PTPN13: variants seen among roughly 807,000 people sequenced by gnomAD.
PTPN13 encodes tyrosine-protein phosphatase non-receptor type 13.
PTPN13 carries 191 observed loss-of-function variants against 284.0 expected under a neutral mutation model. That is an observed-to-expected ratio of 0.67 (90% CI 0.60 to 0.76). The LOEUF is 0.76. Among genes scored for constraint, PTPN13 ranks in the 30% least tolerant of loss-of-function variants. The pLI is 0.00. For synonymous variants in PTPN13, 986 were observed against 1,022.3 expected (o/e 0.96, Z 0.68); for missense variants, 2,797 against 2,939.9 (o/e 0.95, Z 1.12).
chr4:86,775,760 C>T, intron 35 of PTPN13, 108 bp downstream of exon 35: 1 of 916,930 alleles, frequency 1.1e-6, no homozygotes, highest in South Asian at 1.7e-5. Context: ...AATTCATAGA[C>T]TAAATTGGCA....
rs572617339 is a variant in PTPN13 at position 86,649,447 on chromosome 4, G to A, written c.115+14076G>A. On this transcript the variant is annotated intron_variant, in intron 2 of 47. Transcript: ENST00000411767. ...GTCTATCTTCATTCTTCGACATATGGATATTAAGTTTTCCCAGCATCATTT... is the reference window on the plus strand; with the variant it reads ...GTCTATCTTCATTCTTCGACATATGAATATTAAGTTTTCCCAGCATCATTT... Among the ~76,000 whole-genome samples, 3 of 152,174 alleles carry A rather than the reference G, an allele frequency of 2.0e-5. No homozygotes were observed. In the South Asian group the frequency reaches 6.2e-4, roughly 32 times the overall value.
At chr4:86,624,855 T>G (rs1258606824) in intron 1 of PTPN13, among the ~76,000 whole-genome samples, 1 of 152,138 alleles carries the variant, frequency 6.6e-6, no homozygotes. Flanking sequence ...TATCCAAAAA[T>G]GCAATGGTTC....
intron 21 of PTPN13, 149 bp downstream of exon 21, chr4:86,758,498 C>G: frequency 1.1e-6 from 1 of 897,048 alleles, no homozygotes; most frequent in Non-Finnish European, 1.7e-6. Flanking sequence ...AACCTACCCG[C>G]CCAGTCACCA....
chr4:86,626,819 T>C (rs1721891767), intron 1 of PTPN13, among the ~76,000 whole-genome samples: 1 of 152,002 alleles, frequency 6.6e-6, no homozygotes, highest in African/African-American at 2.4e-5. Flanking sequence ...GCACAGAGGG[T>C]CAGTTCCCCC....
intron 36 of PTPN13, 82 bp downstream of exon 36, chr4:86,780,554 C>G: frequency 3.3e-6 from 3 of 921,508 alleles, no homozygotes; most frequent in Non-Finnish European, 5.2e-6. Flanking sequence ...AACAGGTTGA[C>G]AATTTCTTAA....
At chr4:86,754,559 C>A in intron 20 of PTPN13, among the ~76,000 whole-genome samples, 1 of 151,918 alleles carries the variant, frequency 6.6e-6, no homozygotes. Context: ...ACAAAGTTAG[C>A]AGGTGGTAGA....
chr4:86,616,877 G>A (rs1310964013), intron 1 of PTPN13, among the ~76,000 whole-genome samples: 1 of 152,180 alleles, frequency 6.6e-6, no homozygotes, highest in African/African-American at 2.4e-5. Flanking sequence ...TAATACAGGA[G>A]TGTTCTAGAC....
At chr4:86,745,915 A>G (rs561521801) in intron 17 of PTPN13, among the ~76,000 whole-genome samples, 1 of 152,298 alleles carries the variant, frequency 6.6e-6, no homozygotes, top group East Asian at 1.9e-4. Flanking sequence ...AAATAATGCA[A>G]GTAGTTTGGA....
At chr4:86,615,229 ACTTT>A (rs1441443245) in intron 1 of PTPN13, among the ~76,000 whole-genome samples, 3 of 152,138 alleles carry the variant, frequency 2.0e-5, no homozygotes, top group African/African-American at 7.2e-5. Context: ...TTTAAGAATG[ACTTT>A]CTAATAATGC....
chr4:86,779,014 C>A (rs1740977558), intron 35 of PTPN13, among the ~76,000 whole-genome samples: 1 of 149,576 alleles, frequency 6.7e-6, no homozygotes. Flanking sequence ...CTTCCGCTAG[C>A]CAAGAACCTA....
At chr4:86,683,538 G>T (rs1388579914) in intron 3 of PTPN13, among the ~76,000 whole-genome samples, 1 of 152,148 alleles carries the variant, frequency 6.6e-6, no homozygotes, top group Non-Finnish European at 1.5e-5. Context: ...AGGGCAGTCT[G>T]CTTTACTCAG....
Position 86,763,091 on chromosome 4 carries a change from G to A in PTPN13, c.3918G>A (p.Lys1306=). Residue 1306 remains lysine, a synonymous_variant, in exon 24 of 48, where the codon AAG becomes AAA. Transcript: ENST00000411767. ...FTDSNQSKTK[K]PGISDVTDYS... ...ATAGTAACCAAAGCAAAACTAAAAA[G>A]CCAGGCATTTCTGATGTAACTGATT... 1 of 1,612,502 alleles carries A rather than the reference G, an allele frequency of 6.2e-7. No homozygotes were observed.
chr4:86,668,389 A>T (rs1727329884), intron 2 of PTPN13, among the ~76,000 whole-genome samples: 1 of 152,178 alleles, frequency 6.6e-6, no homozygotes, highest in Non-Finnish European at 1.5e-5. Context: ...CCTCACTTGC[A>T]GGTTTGCATA....
At chr4:86,765,350 A>G (rs1184359511) in intron 25 of PTPN13, 45 bp from the exon 26 acceptor site, 1 of 1,504,622 alleles carries the variant, frequency 6.6e-7, no homozygotes, top group Admixed American at 2.0e-5. Context: ...AGAGAGTGCA[A>G]AATTTTTCAT....
chr4:86,632,787 C>T (rs1722604295), intron 1 of PTPN13, among the ~76,000 whole-genome samples: 1 of 151,864 alleles, frequency 6.6e-6, no homozygotes, highest in African/African-American at 2.4e-5. Context: ...ACTTCACATA[C>T]AATAAAACTT....
chr4:86,686,208 A>G (rs1479966129), intron 3 of PTPN13, among the ~76,000 whole-genome samples: 1 of 152,214 alleles, frequency 6.6e-6, no homozygotes, highest in Non-Finnish European at 1.5e-5. Flanking sequence ...CTTAAAATAG[A>G]AAAATTAGTC....
intron 2 of PTPN13, among the ~76,000 whole-genome samples, chr4:86,669,499 A>G (rs1327718886): frequency 6.6e-6 from 1 of 152,124 alleles, no homozygotes; most frequent in Admixed American, 6.5e-5. Context: ...ATAAAAAAGG[A>G]GAGATACATA....
chr4:86,745,019 G>C lies in PTPN13; in HGVS notation c.2541G>C (p.Gln847His). Reference protein sequence around the residue: ...NTSDGIKHGFQTDNSKICQYL... With the variant: ...NTSDGIKHGFHTDNSKICQYL... ...CAGATGGAATAAAACATGGCTTCCA[G>C]ACAGACAACAGTAAGATATGCCAGT... is the stretch of plus-strand genomic sequence containing the variant. Residue 847 changes from glutamine to histidine, a missense_variant, in exon 17 of 48, where the codon CAG (glutamine) becomes CAC (histidine). Gln to His is a conservative substitution (Grantham distance 24). Transcript: ENST00000411767. 1.2e-6 allele frequency: 2 copies of C among 1,603,750 alleles called. No individual in the cohort carries two copies. The highest frequency in any genetic ancestry group is 1.7e-6 in the Non-Finnish European group (2 of 1,174,632).
intron 23 of PTPN13, among the ~76,000 whole-genome samples, chr4:86,762,058 C>T (rs1296226893): frequency 2.0e-5 from 3 of 152,188 alleles, no homozygotes; most frequent in Non-Finnish European, 4.4e-5. Flanking sequence ...CTGCAGGCTC[C>T]GCCTCCCAGG....
Sources: allele counts gnomAD v4.1 joint callset (sites outside exome capture counted in the v4.1 genomes callset), GRCh38; gene constraint gnomAD v4.1.1; transcripts MANE v1.5; gene names NCBI Gene and HGNC (gene_info 2026-07-23, HGNC 2026-07-21).